The following UBE4B variants were observed in gnomAD, a reference collection of about 807,000 sequenced individuals.
The protein encoded by UBE4B is ubiquitination factor E4B.
A neutral mutation model predicts 148.1 loss-of-function variants in UBE4B; 27 were observed. That is an observed-to-expected ratio of 0.18 (90% CI 0.13 to 0.25). UBE4B has a LOEUF of 0.25. Among genes scored for constraint, UBE4B ranks in the 10% least tolerant of loss-of-function variants. UBE4B has a pLI of 1.00. For missense variants in UBE4B, 1,170 were observed against 1,662.4 expected (o/e 0.70, Z 5.15); for synonymous variants, 596 against 619.3 (o/e 0.96, Z 0.56).
intron 17 of UBE4B, among the ~76,000 whole-genome samples, chr1:10,143,007 C>T (rs537124304): frequency 2.6e-5 from 4 of 151,682 alleles, no homozygotes; most frequent in Non-Finnish European, 5.9e-5. Context: ...ACTCAGGAGG[C>T]TGAGGTACGA....
At chr1:10,156,746 G>T (rs1397772897) in intron 21 of UBE4B, among the ~76,000 whole-genome samples, 8 of 152,048 alleles carry the variant, frequency 5.3e-5, no homozygotes, top group African/African-American at 1.7e-4. Flanking sequence ...TTAAGGAAAG[G>T]TTACTTAATG....
chr1:10,091,156 T>A (rs548030991), intron 2 of UBE4B, among the ~76,000 whole-genome samples: 2 of 152,328 alleles, frequency 1.3e-5, no homozygotes, highest in South Asian at 4.1e-4. Context: ...GGGGAGTTTA[T>A]TCATCTTCTA....
intron 20 of UBE4B, among the ~76,000 whole-genome samples, 176 bp from the exon 21 acceptor site, chr1:10,151,150 G>A (rs1645969143): frequency 6.7e-6 from 1 of 149,774 alleles, no homozygotes. Flanking sequence ...GCGACAGAGC[G>A]AGACTCTGTC....
At chr1:10,087,088 G>C (rs992196984) in intron 2 of UBE4B, among the ~76,000 whole-genome samples, 1 of 152,194 alleles carries the variant, frequency 6.6e-6, no homozygotes, top group Non-Finnish European at 1.5e-5. Flanking sequence ...TTCTCATTCT[G>C]TTCTCGTCTG....
chr1:10,055,645 C>T (rs1036384959), intron 1 of UBE4B, among the ~76,000 whole-genome samples: 12 of 152,116 alleles, frequency 7.9e-5, no homozygotes, highest in South Asian at 2.1e-4. Flanking sequence ...GCTGGCCAGG[C>T]GCAGTGGCTC....
Position 10,178,641 on chromosome 1 carries a change from C to T in UBE4B, c.3526-3C>T, listed in dbSNP as rs1228034718. 6.3e-7 allele frequency: 1 copy of T among 1,598,048 alleles called. No individual in the cohort carries two copies. The highest frequency in any genetic ancestry group is 8.5e-7 in the Non-Finnish European group (1 of 1,173,180). On this transcript the variant is annotated splice_region_variant and splice_polypyrimidine_tract_variant and intron_variant, in intron 25 of 27. Transcript: ENST00000343090. ...GTCTCACATTGCCATTCCTCCTTTGCAGAGATCCTACAGTAAGGAATTGTT... is the reference window on the plus strand; with the variant it reads ...GTCTCACATTGCCATTCCTCCTTTGTAGAGATCCTACAGTAAGGAATTGTT...
intron 7 of UBE4B, among the ~76,000 whole-genome samples, chr1:10,108,734 G>A (rs898461054): frequency 6.6e-6 from 1 of 152,194 alleles, no homozygotes; most frequent in African/African-American, 2.4e-5. Flanking sequence ...CAGGAAGGTT[G>A]ATATTTGTAT....
intron 11 of UBE4B, among the ~76,000 whole-genome samples, chr1:10,127,327 C>G (rs1645518362): frequency 6.6e-6 from 1 of 151,868 alleles, no homozygotes; most frequent in South Asian, 2.1e-4. Context: ...CTCTCTTGTT[C>G]ACCCTCCCTG....
At chr1:10,072,744 G>C (rs986238255) in intron 2 of UBE4B, 4 of 393,168 alleles carry the variant, frequency 1.0e-5, no homozygotes, top group African/African-American at 8.3e-5. Context: ...TTGATATCCA[G>C]GACTGTCTTT....
rs764089127 is a variant in UBE4B at position 10,161,999 on chromosome 1, C to CTTTTTTTTTTTTTTTTTTTTTTTTTT, written c.3198+729_3198+730insTTTTTTTTTTTTTTTTTTTTTTTTTT. Among the ~76,000 whole-genome samples, 15 of 137,256 alleles carry CTTTTTTTTTTTTTTTTTTTTTTTTTT rather than the reference C, an allele frequency of 1.1e-4. No homozygotes were observed. Among genetic ancestry groups the CTTTTTTTTTTTTTTTTTTTTTTTTTT allele is most frequent in the African/African-American group, 3.7e-4 (14 of 37,430 alleles). The allele number at this position is 137,256 out of a possible 152,430, so 90.0% of individuals were successfully genotyped here. A position where few individuals can be genotyped will look rare whatever the true frequency, so the allele number is the denominator to read the frequency against. ...GGGGACTGCTTTTTCTTCACTTTTT[C>CTTTTTTTTTTTTTTTTTTTTTTTTTT]TTTTTTTTTTTTTTTTGAGACGGAG... On this transcript the variant is annotated intron_variant, in intron 23 of 27. Coordinates refer to ENST00000343090, the MANE Select transcript of UBE4B (RefSeq NM_001105562.3). The surrounding 1 kb of genome is among the most constrained non-coding windows in gnomAD (Gnocchi z 4.1).
At chr1:10,073,300 T>A (rs1286961223) in intron 2 of UBE4B, among the ~76,000 whole-genome samples, 1 of 152,226 alleles carries the variant, frequency 6.6e-6, no homozygotes, top group African/African-American at 2.4e-5. Flanking sequence ...CACTTTGTCT[T>A]ACTTGCTTAT....
At chr1:10,104,923 A>T (rs1645080906) in intron 5 of UBE4B, among the ~76,000 whole-genome samples, 1 of 152,268 alleles carries the variant, frequency 6.6e-6, no homozygotes, top group Non-Finnish European at 1.5e-5. Context: ...TTTAAAATGT[A>T]TCTAAAGACC....
intron 2 of UBE4B, among the ~76,000 whole-genome samples, chr1:10,082,054 A>G (rs927512472): frequency 3.3e-5 from 5 of 152,056 alleles, no homozygotes; most frequent in African/African-American, 1.2e-4. Flanking sequence ...TGTTTTATCT[A>G]TTTTATATGT....
chr1:10,120,089 G>A lies in UBE4B; in HGVS notation c.1439+476G>A, dbSNP rs151302350. Among the ~76,000 whole-genome samples, 574 of 152,210 alleles carry A rather than the reference G, an allele frequency of 3.8e-3. 4 individuals are homozygous for A. The highest frequency in any genetic ancestry group is 4.5e-3 in the Non-Finnish European group (305 of 68,014). ...ATTTGCTTCTGAGAATCCTATAAAGGTTGCAAATTTTTGTTTTTATTTTGT... is the reference window on the plus strand; with the variant it reads ...ATTTGCTTCTGAGAATCCTATAAAGATTGCAAATTTTTGTTTTTATTTTGT... On this transcript the variant is annotated intron_variant, in intron 9 of 27. Coordinates refer to ENST00000343090, the MANE Select transcript of UBE4B (RefSeq NM_001105562.3).
At chr1:10,037,363 GTTGT>G (rs1643581339) in intron 1 of UBE4B, among the ~76,000 whole-genome samples, 1 of 152,000 alleles carries the variant, frequency 6.6e-6, no homozygotes, top group African/African-American at 2.4e-5. Flanking sequence ...TAACTTCACT[GTTGT>G]TTGTTATTTA....
intron 1 of UBE4B, among the ~76,000 whole-genome samples, chr1:10,062,370 T>C (rs138407167): frequency 1.3e-3 from 196 of 152,328 alleles, no homozygotes; most frequent in African/African-American, 4.5e-3. Context: ...TGGAGTGCCA[T>C]GGCACGATCC....
chr1:10,123,427 C>CAAAA (rs34527607), intron 10 of UBE4B, among the ~76,000 whole-genome samples: 1 of 35,654 alleles, frequency 2.8e-5, no homozygotes, highest in African/African-American at 8.6e-5. Context: ...AAGACTGTCT[C>CAAAA]AAAAAAAAAA....
At chr1:10,162,402 T>C (rs1389160204) in intron 23 of UBE4B, among the ~76,000 whole-genome samples, 2 of 152,216 alleles carry the variant, frequency 1.3e-5, no homozygotes, top group South Asian at 2.1e-4. Context: ...CTCGATCTCC[T>C]GACCTTGTGA....
intron 1 of UBE4B, among the ~76,000 whole-genome samples, chr1:10,043,649 C>T (rs915751537): frequency 2.0e-5 from 3 of 151,384 alleles, no homozygotes; most frequent in African/African-American, 7.3e-5. Context: ...AGGATGGTCT[C>T]GAGCTCCTGA....
Sources: allele counts gnomAD v4.1 joint callset (sites outside exome capture counted in the v4.1 genomes callset), GRCh38; gene constraint gnomAD v4.1.1; non-coding constraint Gnocchi (gnomAD v3.1); transcripts MANE v1.5; gene names NCBI Gene and HGNC (gene_info 2026-07-23, HGNC 2026-07-21).